The following MACROD2 variants were observed in gnomAD, a reference collection of about 807,000 sequenced individuals.
The protein encoded by MACROD2 is mono-ADP ribosylhydrolase 2.
In MACROD2, 36 loss-of-function variants were observed where a neutral mutation model predicts 70.4. The ratio of observed to expected loss-of-function variants is 0.51; its 90% confidence interval spans 0.39 to 0.68. The LOEUF (loss-of-function observed/expected upper bound fraction) is 0.68, where lower values mean the gene tolerates loss of function less well. Among genes scored for constraint, MACROD2 ranks in the 30% least tolerant of loss-of-function variants. The probability of loss-of-function intolerance (pLI) is 0.00; values close to 1 mark genes in which losing one functional copy is unlikely to be tolerated. For missense variants in MACROD2, 496 were observed against 538.4 expected (o/e 0.92, Z 0.78); for synonymous variants, 172 against 178.8 (o/e 0.96, Z 0.30).
At chr20:15,546,067 A>G (rs2048022215) in intron 8 of MACROD2, among the ~76,000 whole-genome samples, 1 of 152,192 alleles carries the variant, frequency 6.6e-6, no homozygotes, top group East Asian at 1.9e-4. Flanking sequence ...CCCGACCAAC[A>G]TGGTGAAACC....
At chr20:14,052,883 TAC>T (rs2053586348) in intron 2 of MACROD2, among the ~76,000 whole-genome samples, 1 of 152,140 alleles carries the variant, frequency 6.6e-6, no homozygotes, top group African/African-American at 2.4e-5. Flanking sequence ...TTTGAAAACT[TAC>T]AGCAGTTGGA....
intron 6 of MACROD2, among the ~76,000 whole-genome samples, chr20:15,354,891 A>T (rs1020906246): frequency 6.6e-6 from 1 of 152,212 alleles, no homozygotes; most frequent in Non-Finnish European, 1.5e-5. Flanking sequence ...ACTACATAGT[A>T]ATATGTACTA....
At chr20:14,683,278 C>G (rs2070957342) in intron 4 of MACROD2, among the ~76,000 whole-genome samples, 1 of 152,164 alleles carries the variant, frequency 6.6e-6, no homozygotes, top group African/African-American at 2.4e-5. Flanking sequence ...ACACATAACA[C>G]TGTACTAGAC....
chr20:15,146,145 T>C (rs1004335349), intron 5 of MACROD2, among the ~76,000 whole-genome samples: 3 of 152,196 alleles, frequency 2.0e-5, no homozygotes, highest in Non-Finnish European at 1.5e-5. Flanking sequence ...TTTCATAAAT[T>C]GATAATGTCT....
chr20:14,584,554 A>T (rs1436976596), intron 4 of MACROD2, among the ~76,000 whole-genome samples: 2 of 152,080 alleles, frequency 1.3e-5, no homozygotes, highest in Non-Finnish European at 2.9e-5. Context: ...TCTTCTTCTT[A>T]TAAAGACATT....
intron 4 of MACROD2, among the ~76,000 whole-genome samples, chr20:14,620,354 G>A (rs887140710): frequency 3.3e-5 from 5 of 151,966 alleles, no homozygotes; most frequent in African/African-American, 9.7e-5. Context: ...AGATGGATGC[G>A]TACTATGAGC....
At chr20:14,615,684 T>G (rs1983438671) in intron 4 of MACROD2, among the ~76,000 whole-genome samples, 1 of 152,012 alleles carries the variant, frequency 6.6e-6, no homozygotes, top group African/African-American at 2.4e-5. Context: ...CAGGGAAGAA[T>G]ATGTGCCAGT....
intron 5 of MACROD2, among the ~76,000 whole-genome samples, chr20:15,184,253 C>T (rs1447813044): frequency 1.3e-5 from 2 of 152,140 alleles, no homozygotes; most frequent in Admixed American, 1.3e-4. Flanking sequence ...GAGAACAATT[C>T]TATCTTTAGG....
intron 2 of MACROD2, among the ~76,000 whole-genome samples, chr20:14,079,214 G>C (rs2053957112): frequency 6.6e-6 from 1 of 152,170 alleles, no homozygotes; most frequent in African/African-American, 2.4e-5. Flanking sequence ...GATTGTCTCA[G>C]AGACCTGTGG....
At chr20:14,206,538 T>G (rs774794928) in intron 3 of MACROD2, among the ~76,000 whole-genome samples, 3 of 152,216 alleles carry the variant, frequency 2.0e-5, no homozygotes, top group Non-Finnish European at 2.9e-5. Context: ...ACCTATGATC[T>G]TGTTATTTCT....
At chr20:14,905,207 T>C (rs1273476857) in intron 5 of MACROD2, 1 of 152,120 alleles carries the variant, frequency 6.6e-6, no homozygotes, top group African/African-American at 2.4e-5. Flanking sequence ...AAGAAAATGT[T>C]TTGGACATTT....
chr20:14,580,183 C>T (rs1980914364), intron 4 of MACROD2, among the ~76,000 whole-genome samples: 1 of 152,078 alleles, frequency 6.6e-6, no homozygotes, highest in Non-Finnish European at 1.5e-5. Flanking sequence ...TAGATGGAGA[C>T]CAGTTTGAAA....
At chr20:14,322,476 C>G (rs1344967137) in intron 3 of MACROD2, among the ~76,000 whole-genome samples, 1 of 148,492 alleles carries the variant, frequency 6.7e-6, no homozygotes, top group Non-Finnish European at 1.5e-5. Flanking sequence ...CAGTCCTTTC[C>G]CTGACTTCTA....
At chr20:14,648,757 T>A (rs922739833) in intron 4 of MACROD2, among the ~76,000 whole-genome samples, 4 of 152,108 alleles carry the variant, frequency 2.6e-5, no homozygotes, top group African/African-American at 7.2e-5. Context: ...TTCAGTTGGG[T>A]CTTATTAAAG....
intron 5 of MACROD2, among the ~76,000 whole-genome samples, chr20:15,090,225 G>A (rs921630591): frequency 6.6e-6 from 1 of 152,034 alleles, no homozygotes; most frequent in Non-Finnish European, 1.5e-5. Context: ...ATATATGTGA[G>A]GGCAGGAATG....
At chr20:15,848,104 C>G (rs2064253828) in intron 8 of MACROD2, among the ~76,000 whole-genome samples, 1 of 152,142 alleles carries the variant, frequency 6.6e-6, no homozygotes, top group African/African-American at 2.4e-5. Context: ...AAACATAAAG[C>G]TTATAACACT....
At chr20:14,687,221 ACT>A (rs2071013055) in intron 5 of MACROD2, among the ~76,000 whole-genome samples, 1 of 152,100 alleles carries the variant, frequency 6.6e-6, no homozygotes, top group African/African-American at 2.4e-5. Context: ...CTATTGATTC[ACT>A]GTTTTCTTTT....
At chr20:15,337,016 T>G (rs766320551) in intron 6 of MACROD2, among the ~76,000 whole-genome samples, 2 of 151,732 alleles carry the variant, frequency 1.3e-5, no homozygotes, top group Non-Finnish European at 2.9e-5. Flanking sequence ...GTCTTCTCAC[T>G]TTCTGCATCT....
intron 3 of MACROD2, among the ~76,000 whole-genome samples, chr20:14,376,749 CAAAATAAT>C (rs2083374739): frequency 9.7e-6 from 1 of 103,370 alleles, no homozygotes; most frequent in African/African-American, 4.0e-5. Context: ...GAGCCTGTCT[CAAAATAAT>C]AATAATAATA....
Sources: allele counts gnomAD v4.1 joint callset (sites outside exome capture counted in the v4.1 genomes callset), GRCh38; gene constraint gnomAD v4.1.1; transcripts MANE v1.5; gene names NCBI Gene and HGNC (gene_info 2026-07-23, HGNC 2026-07-21).